The following PIP5K1B variants were observed in gnomAD, a reference collection of about 807,000 sequenced individuals.
PIP5K1B encodes phosphatidylinositol 4-phosphate 5-kinase type-1 beta.
A neutral mutation model predicts 67.0 loss-of-function variants in PIP5K1B; 42 were observed. That is an observed-to-expected ratio of 0.63 (90% confidence interval 0.49 to 0.81). The LOEUF (loss-of-function observed/expected upper bound fraction) is 0.81, where lower values mean the gene tolerates loss of function less well. Among genes scored for constraint, PIP5K1B ranks in the 30% least tolerant of loss-of-function variants. PIP5K1B has a pLI of 0.00. For missense variants in PIP5K1B, 459 were observed against 646.3 expected (o/e 0.71, Z 3.14); for synonymous variants, 214 against 231.4 (o/e 0.92, Z 0.68).
At chr9:68,865,665 C>T (rs531683868) in intron 5 of PIP5K1B, among the ~76,000 whole-genome samples, 1 of 152,294 alleles carries the variant, frequency 6.6e-6, no homozygotes, top group African/African-American at 2.4e-5. Context: ...CAACCATTGA[C>T]GGGCACTTGG....
intron 8 of PIP5K1B, among the ~76,000 whole-genome samples, chr9:68,904,103 G>A (rs1013891109): frequency 6.6e-6 from 1 of 152,148 alleles, no homozygotes; most frequent in Non-Finnish European, 1.5e-5. Context: ...CTCAGGAGAG[G>A]TTCAGCTTCC....
chr9:68,924,149 C>T (rs2132547105), intron 12 of PIP5K1B, among the ~76,000 whole-genome samples: 1 of 149,518 alleles, frequency 6.7e-6, no homozygotes, highest in African/African-American at 2.5e-5. Flanking sequence ...GCGCGGTAAT[C>T]CTAGCACTTT....
At chr9:68,933,113 A>G (rs1371509381) in intron 12 of PIP5K1B, among the ~76,000 whole-genome samples, 2 of 150,724 alleles carry the variant, frequency 1.3e-5, no homozygotes, top group African/African-American at 4.9e-5. Context: ...AAAAAAAAAA[A>G]GAAGAAGAAG....
chr9:69,005,252 T>C (rs948753753), intron 15 of PIP5K1B, among the ~76,000 whole-genome samples: 35 of 152,246 alleles, frequency 2.3e-4, no homozygotes, highest in Non-Finnish European at 4.7e-4. Flanking sequence ...GTTTTTTTAT[T>C]AAACTATAAA....
intron 8 of PIP5K1B, among the ~76,000 whole-genome samples, chr9:68,906,552 TA>T (rs1825623222): frequency 2.0e-5 from 3 of 152,224 alleles, no homozygotes; most frequent in Admixed American, 6.5e-5. Flanking sequence ...AAATGTGTTT[TA>T]AAAGGGATAT....
intron 12 of PIP5K1B, among the ~76,000 whole-genome samples, chr9:68,934,562 G>T (rs545195734): frequency 1.3e-5 from 2 of 152,052 alleles, no homozygotes; most frequent in African/African-American, 2.4e-5. Context: ...GTTTGGAGAG[G>T]GGGGAATGAT....
chr9:69,001,750 A>G (rs953813476), intron 15 of PIP5K1B, among the ~76,000 whole-genome samples: 1 of 152,096 alleles, frequency 6.6e-6, no homozygotes, highest in East Asian at 1.9e-4. Flanking sequence ...GGGGATTACA[A>G]TTTGACATGA....
chr9:68,961,812 C>T (rs1417635673), intron 14 of PIP5K1B, among the ~76,000 whole-genome samples: 1 of 152,154 alleles, frequency 6.6e-6, no homozygotes, highest in Non-Finnish European at 1.5e-5. Flanking sequence ...ACCTTCTGTT[C>T]CACCCACTCC....
chr9:69,008,328 C>G, intron 15 of PIP5K1B, 119 bp from the exon 16 acceptor site: 1 of 861,964 alleles, frequency 1.2e-6, no homozygotes, highest in Non-Finnish European at 2.0e-6. Flanking sequence ...ACATAATGCA[C>G]CCCATTTTCC....
At chr9:68,775,211 A>C (rs1830858091) in intron 2 of PIP5K1B, among the ~76,000 whole-genome samples, 1 of 152,126 alleles carries the variant, frequency 6.6e-6, no homozygotes, top group Non-Finnish European at 1.5e-5. Context: ...CTTATCACAC[A>C]CTGTCACCGT....
chr9:68,950,784 C>T (rs1297471826), intron 14 of PIP5K1B, among the ~76,000 whole-genome samples: 1 of 152,214 alleles, frequency 6.6e-6, no homozygotes, highest in East Asian at 1.9e-4. Flanking sequence ...AAGTTGGTCC[C>T]GACATCCTCT....
rs996332235 is a variant in PIP5K1B, at chr9:68,822,542, G to A, written c.1-73G>A. Reference sequence around the variant, plus strand: ...ATACTTAACTAAAATAGATCCTTTGGTTAGCAATATTATTAATATATTGTA... The same window carrying A: ...ATACTTAACTAAAATAGATCCTTTGATTAGCAATATTATTAATATATTGTA... On this transcript the variant is annotated intron_variant, in intron 3 of 15. Transcript: ENST00000265382. The A allele has an allele frequency of 4.4e-5, 47 of 1,073,850 alleles. No homozygotes were observed. The African/African-American group carries it at 6.7e-4, about 15-fold the overall frequency. 66.5% of individuals were successfully genotyped at this position (1,073,850 alleles called of 1,614,324 possible).
chr9:68,979,919 A>G (rs1182960995), intron 14 of PIP5K1B, among the ~76,000 whole-genome samples: 1 of 152,240 alleles, frequency 6.6e-6, no homozygotes, highest in African/African-American at 2.4e-5. Flanking sequence ...TGAGAAAGGC[A>G]GAAACAAGCA....
At chr9:68,835,481 A>G (rs1175161087) in intron 4 of PIP5K1B, among the ~76,000 whole-genome samples, 2 of 152,234 alleles carry the variant, frequency 1.3e-5, no homozygotes, top group Non-Finnish European at 2.9e-5. Context: ...AATTGGCTGT[A>G]CAAATATCAA....
At chr9:68,884,466 T>C (rs886546339) in intron 6 of PIP5K1B, among the ~76,000 whole-genome samples, 4 of 151,520 alleles carry the variant, frequency 2.6e-5, no homozygotes, top group African/African-American at 7.3e-5. Context: ...AGTTTGAGAC[T>C]AGGCTGGGCA....
chr9:68,810,613 G>A (rs2132024182), intron 2 of PIP5K1B, among the ~76,000 whole-genome samples: 1 of 152,256 alleles, frequency 6.6e-6, no homozygotes, highest in South Asian at 2.1e-4. Context: ...AAACTCATCT[G>A]TGGCAAATTA....
chr9:68,928,990 C>G (rs1347846778), intron 12 of PIP5K1B, among the ~76,000 whole-genome samples: 1 of 151,944 alleles, frequency 6.6e-6, no homozygotes, highest in Non-Finnish European at 1.5e-5. Flanking sequence ...TGGTGAAACC[C>G]CTTCTCTACT....
chr9:68,934,755 TATAAA>T, intron 12 of PIP5K1B, 130 bp from the exon 13 acceptor site: 1 of 542,014 alleles, frequency 1.8e-6, no homozygotes, highest in Non-Finnish European at 2.9e-6. Context: ...TTTCCATATA[TATAAA>T]ATAAGCGTCT....
chr9:68,748,908 G>A (rs1036960913), intron 2 of PIP5K1B, among the ~76,000 whole-genome samples: 51 of 152,128 alleles, frequency 3.4e-4, no homozygotes, highest in African/African-American at 9.6e-5. Context: ...CACCGCACTC[G>A]GCCAGGTTTC....
Sources: allele counts gnomAD v4.1 joint callset (sites outside exome capture counted in the v4.1 genomes callset), GRCh38; gene constraint gnomAD v4.1.1; transcripts MANE v1.5; gene names NCBI Gene and HGNC (gene_info 2026-07-23, HGNC 2026-07-21).